NTRK2: variants seen among roughly 807,000 people sequenced by gnomAD.
NTRK2 encodes the protein neurotrophic receptor tyrosine kinase 2.
A neutral mutation model predicts 94.5 loss-of-function variants in NTRK2; 13 were observed. The ratio of observed to expected loss-of-function variants is 0.14; its 90% CI spans 0.09 to 0.22. NTRK2 has a LOEUF of 0.22. NTRK2 is among the 10% of genes least tolerant of loss of function. The pLI is 1.00. For missense variants in NTRK2, 639 were observed against 1,071.2 expected (o/e 0.60, Z 5.63); for synonymous variants, 372 against 407.4 (o/e 0.91, Z 1.05).
chr9:84,730,803 A>AAAAAAAAC (rs2062832007), intron 9 of NTRK2, among the ~76,000 whole-genome samples: 1 of 147,956 alleles, frequency 6.8e-6, no homozygotes, highest in Non-Finnish European at 1.5e-5. Flanking sequence ...AAAAAAAAAA[A>AAAAAAAAC]AAAAATCCCT....
intron 15 of NTRK2, among the ~76,000 whole-genome samples, chr9:84,939,051 C>CAAAAAA (rs138558531): frequency 9.4e-3 from 622 of 66,314 alleles, no homozygotes; most frequent in Middle Eastern, 0.014. Flanking sequence ...GACCCCAACT[C>CAAAAAA]AAAAAAAAAA....
chr9:84,740,834 A>G (rs559627292), intron 9 of NTRK2, among the ~76,000 whole-genome samples: 9 of 152,300 alleles, frequency 5.9e-5, no homozygotes, highest in Admixed American at 2.0e-4. Flanking sequence ...ACTAACCTTG[A>G]TTATTCACTG....
At chr9:84,877,259 C>T (rs1371395389) in intron 14 of NTRK2, 2 of 1,065,730 alleles carry the variant, frequency 1.9e-6, no homozygotes, top group African/African-American at 3.3e-5. Context: ...CTTTAGTTCT[C>T]TTTGAGGATT....
chr9:84,798,858 T>A (rs2069975471), intron 12 of NTRK2, among the ~76,000 whole-genome samples: 1 of 148,312 alleles, frequency 6.7e-6, no homozygotes. Flanking sequence ...CTGCAGATAA[T>A]GGAAACAGCT....
At chr9:84,715,040 A>G (rs560250613) in intron 6 of NTRK2, among the ~76,000 whole-genome samples, 147 of 152,308 alleles carry the variant, frequency 9.7e-4, no homozygotes, top group Admixed American at 1.7e-3. Context: ...GTATTTCATC[A>G]TAGAGATATT....
intron 2 of NTRK2, among the ~76,000 whole-genome samples, chr9:84,686,721 T>C (rs1452858360): frequency 6.6e-6 from 1 of 152,222 alleles, no homozygotes; most frequent in Non-Finnish European, 1.5e-5. Flanking sequence ...ATTGGGCTGA[T>C]CCTATGAATG....
intron 12 of NTRK2, among the ~76,000 whole-genome samples, chr9:84,790,467 G>A (rs2133194964): frequency 6.6e-6 from 1 of 152,310 alleles, no homozygotes; most frequent in African/African-American, 2.4e-5. Context: ...TTGGGTGAGG[G>A]ACGAGGTTGC....
intron 17 of NTRK2, among the ~76,000 whole-genome samples, chr9:84,980,167 T>G (rs957778966): frequency 1.3e-5 from 2 of 152,234 alleles, no homozygotes; most frequent in Non-Finnish European, 2.9e-5. Context: ...AGTCTTTTCT[T>G]CTATACATTT....
intron 4 of NTRK2, among the ~76,000 whole-genome samples, chr9:84,703,445 C>A (rs907930225): frequency 6.6e-6 from 1 of 152,132 alleles, no homozygotes; most frequent in Admixed American, 6.5e-5. Context: ...CAGGGCCAAC[C>A]CCTCTCCATG....
At chr9:84,913,545 C>T (rs2077306791) in intron 14 of NTRK2, among the ~76,000 whole-genome samples, 1 of 152,128 alleles carries the variant, frequency 6.6e-6, no homozygotes, top group Non-Finnish European at 1.5e-5. Context: ...GACATTTTTA[C>T]TGGATATAGT....
At chr9:84,957,120 G>C (rs1372783016) in intron 17 of NTRK2, among the ~76,000 whole-genome samples, 1 of 152,160 alleles carries the variant, frequency 6.6e-6, no homozygotes, top group African/African-American at 2.4e-5. Context: ...TGGGGGCAGG[G>C]AAACACATGG....
chr9:84,738,455 T>C (rs1229535875), intron 9 of NTRK2, among the ~76,000 whole-genome samples: 1 of 152,212 alleles, frequency 6.6e-6, no homozygotes, highest in Non-Finnish European at 1.5e-5. Flanking sequence ...GACTTAAAAA[T>C]GGCAAGACAT....
intron 12 of NTRK2, among the ~76,000 whole-genome samples, chr9:84,775,521 C>T (rs1039180641): frequency 5.3e-5 from 8 of 152,266 alleles, no homozygotes; most frequent in Non-Finnish European, 8.8e-5. Context: ...TAACCTAGGA[C>T]GGGCTTCTCC....
chr9:84,731,496 T>C (rs1264097692), intron 9 of NTRK2, among the ~76,000 whole-genome samples: 1 of 152,142 alleles, frequency 6.6e-6, no homozygotes, highest in Non-Finnish European at 1.5e-5. Context: ...GGATGGTCAT[T>C]TTGCTTAGGA....
chr9:84,746,882 A>G (rs2064128525), intron 11 of NTRK2, among the ~76,000 whole-genome samples: 1 of 151,938 alleles, frequency 6.6e-6, no homozygotes, highest in South Asian at 2.1e-4. Flanking sequence ...TGTTTAATGT[A>G]TTTTTCTCTT....
At chr9:84,814,289 G>T in intron 12 of NTRK2, 2 of 1,065,448 alleles carry the variant, frequency 1.9e-6, no homozygotes, top group Non-Finnish European at 2.3e-6. Flanking sequence ...CAGAGCAGAG[G>T]CGACACCTCT....
In NTRK2 at chr9:84,874,920, A is replaced by G. The variant is rs540739048; in HGVS notation, c.1633+7489A>G. The G allele has an allele frequency of 3.7e-5, 39 of 1,055,870 alleles. No individual in the cohort carries two copies. In the East Asian group the frequency reaches 3.7e-4, roughly 10 times the overall value. 65.4% of individuals were successfully genotyped at this position (1,055,870 alleles called of 1,614,324 possible). ...TATAGGCCCAATGATTTTTGCTAGT[A>G]AGATAGGATTGTCTTCCTCACCCAA... On this transcript the variant is annotated intron_variant, in intron 14 of 18. Transcript: ENST00000277120.
chr9:84,968,317 C>T (rs1253907847), intron 17 of NTRK2, among the ~76,000 whole-genome samples: 2 of 152,120 alleles, frequency 1.3e-5, no homozygotes, highest in African/African-American at 2.4e-5. Flanking sequence ...GGGCAAGGGT[C>T]GCCTGGTGTA....
chr9:84,961,596 G>A (rs75918882), intron 17 of NTRK2, among the ~76,000 whole-genome samples: 9,946 of 152,216 alleles, frequency 0.065, 329 homozygotes, highest in East Asian at 0.097. Flanking sequence ...CAGGGTGAGC[G>A]TGAGAGTCCT....
Sources: gnomAD v4.1 joint callset for allele counts (sites outside exome capture counted in the v4.1 genomes callset) on GRCh38, gnomAD v4.1.1 for gene constraint, MANE v1.5 for transcripts, NCBI Gene and HGNC (gene_info 2026-07-23, HGNC 2026-07-21) for gene names.